The following PPP6R3 variants were observed in gnomAD, a reference collection of about 807,000 sequenced individuals.
The protein encoded by PPP6R3 is protein phosphatase 6 regulatory subunit 3, also known as serine/threonine-protein phosphatase 6 regulatory subunit 3.
PPP6R3 carries 38 observed loss-of-function variants against 110.7 expected under a neutral mutation model. The observed-to-expected ratio is 0.34, with a 90% CI of 0.26 to 0.45. The LOEUF (loss-of-function observed/expected upper bound fraction) is 0.45, where lower values mean the gene tolerates loss of function less well. Among genes scored for constraint, PPP6R3 ranks in the 20% least tolerant of loss-of-function variants. The probability of loss-of-function intolerance (pLI) is 1.00; values close to 1 mark genes in which losing one functional copy is unlikely to be tolerated. For synonymous variants in PPP6R3, 369 were observed against 373.5 expected, an observed-to-expected ratio of 0.99 and a Z score of 0.14; for missense variants, 870 against 1,062.4, an observed-to-expected ratio of 0.82 and a Z score of 2.52.
chr11:68,614,890 G>T lies in PPP6R3; in HGVS notation c.*1773G>T, dbSNP rs1176307187. On this transcript the variant is annotated 3_prime_UTR_variant, in exon 24 of 24. Transcript: ENST00000393800. ...GATTACTGGTAGATAATATGCTCTG[G>T]TCTCGCCTGGTGGTGAGTTTTGCCA... 1.2e-6 allele frequency: 1 copy of T among 844,806 alleles called. No homozygotes were observed. The highest frequency in any genetic ancestry group is 1.4e-5 in the South Asian group (1 of 70,010). The allele number at this position is 844,806 out of a possible 1,614,324, so 52.3% of individuals were successfully genotyped here. A position where few individuals can be genotyped will look rare whatever the true frequency, so the allele number is the denominator to read the frequency against.
chr11:68,500,253 G>A (rs1207279912), intron 1 of PPP6R3, among the ~76,000 whole-genome samples: 4 of 151,516 alleles, frequency 2.6e-5, no homozygotes, highest in African/African-American at 9.7e-5. Flanking sequence ...TCTAATTTTG[G>A]CAGTGGCAAA....
chr11:68,512,162 A>G (rs1372388352), intron 1 of PPP6R3, among the ~76,000 whole-genome samples: 1 of 152,210 alleles, frequency 6.6e-6, no homozygotes, highest in Non-Finnish European at 1.5e-5. Flanking sequence ...TTCCTTCTAT[A>G]TTAGTCTGCT....
At position 68,603,456 on chromosome 11, in the gene PPP6R3, C is replaced by T. The variant is rs1231455451; in HGVS notation, c.2414C>T (p.Thr805Ile). The T allele has an allele frequency of 6.2e-7, 1 of 1,614,178 alleles. No individual in the cohort carries two copies. The highest frequency in any genetic ancestry group is 8.5e-7 in the Non-Finnish European group (1 of 1,180,028). Residue 805 changes from threonine to isoleucine, a missense_variant, in exon 22 of 24, where the codon ACT becomes ATT. Thr to Ile is a moderately conservative substitution (Grantham distance 89). Transcript: ENST00000393800. ...GGCATGAAGGAAACGCTCAGCCTCA[C>T]TGTAGATGCCAAGACAGAGACTGCG... Reference protein sequence around the residue: ...NGGMKETLSLTVDAKTETAVF... With the variant: ...NGGMKETLSLIVDAKTETAVF...
intron 19 of PPP6R3, among the ~76,000 whole-genome samples, chr11:68,598,594 G>A (rs1022355649): frequency 5.3e-5 from 8 of 152,184 alleles, no homozygotes; most frequent in Non-Finnish European, 1.2e-4. Flanking sequence ...CTACAGGGTT[G>A]CCCCAGAGAG....
intron 1 of PPP6R3, among the ~76,000 whole-genome samples, chr11:68,509,618 T>C (rs930059154): frequency 2.0e-5 from 3 of 151,964 alleles, no homozygotes; most frequent in Non-Finnish European, 4.4e-5. Context: ...ACCTCTCTTA[T>C]TTTTATTTTT....
intron 2 of PPP6R3, among the ~76,000 whole-genome samples, chr11:68,530,133 TG>T (rs1436141218): frequency 2.0e-5 from 3 of 152,254 alleles, no homozygotes; most frequent in African/African-American, 7.2e-5. Context: ...TTTACTTTTT[TG>T]ATGTGGCTAC....
rs67798708 is a variant in PPP6R3, at chr11:68,531,307, TTTTATTTA to T, written c.-6-6315_-6-6308del. On this transcript the variant is annotated intron_variant, in intron 2 of 23. Coordinates refer to ENST00000393800, the MANE Select transcript of PPP6R3 (RefSeq NM_001164161.2). ...TATTGAGTCAGAATCTGAGACTGTGTTTTATTTATTTATTTATTTATTTATTTATTTAT... is the reference window on the plus strand; with the variant it reads ...TATTGAGTCAGAATCTGAGACTGTGTTTTATTTATTTATTTATTTATTTAT... Among the ~76,000 whole-genome samples, 1,212 of 137,004 alleles carry T rather than the reference TTTTATTTA, an allele frequency of 8.8e-3. 8 individuals are homozygous for T. Among genetic ancestry groups the T allele is most frequent in the Middle Eastern group, 0.019 (5 of 270 alleles). 89.9% of individuals were successfully genotyped at this position (137,004 alleles called of 152,430 possible). A position where few individuals can be genotyped will look rare whatever the true frequency, so the allele number is the denominator to read the frequency against.
intron 1 of PPP6R3, among the ~76,000 whole-genome samples, chr11:68,513,591 A>T (rs764934564): frequency 4.6e-5 from 7 of 152,230 alleles, no homozygotes; most frequent in Non-Finnish European, 8.8e-5. Flanking sequence ...TTCGAAGATC[A>T]TAGACGTAGT....
chr11:68,596,400 A>G (rs1442737674), intron 19 of PPP6R3, among the ~76,000 whole-genome samples, 182 bp downstream of exon 19: 7 of 152,208 alleles, frequency 4.6e-5, no homozygotes, highest in African/African-American at 1.7e-4. Flanking sequence ...GGGAAGGAGC[A>G]CAGAATGCAT....
At chr11:68,508,839 TG>T (rs2099092998) in intron 1 of PPP6R3, among the ~76,000 whole-genome samples, 3 of 147,996 alleles carry the variant, frequency 2.0e-5, no homozygotes, top group South Asian at 4.2e-4. Flanking sequence ...AGGGTTAGGT[TG>T]TGTGACAGGG....
intron 18 of PPP6R3, among the ~76,000 whole-genome samples, chr11:68,595,879 G>A (rs1395275581): frequency 6.6e-6 from 1 of 152,236 alleles, no homozygotes; most frequent in East Asian, 1.9e-4. Flanking sequence ...ACTTTAAGCA[G>A]AGCCCATGTG....
At chr11:68,489,356 T>G (rs546368013) in intron 1 of PPP6R3, among the ~76,000 whole-genome samples, 2 of 152,190 alleles carry the variant, frequency 1.3e-5, no homozygotes, top group Non-Finnish European at 2.9e-5. Flanking sequence ...TTTATATGAT[T>G]TCCATTTTTA....
At chr11:68,512,536 T>C (rs901420941) in intron 1 of PPP6R3, among the ~76,000 whole-genome samples, 3 of 152,258 alleles carry the variant, frequency 2.0e-5, no homozygotes, top group Non-Finnish European at 4.4e-5. Flanking sequence ...TTTTTGGTTG[T>C]GCGTAGGATA....
rs913739534 is a variant in PPP6R3, at chr11:68,614,765, A to G, written c.*1648A>G. On this transcript the variant is annotated 3_prime_UTR_variant, in exon 24 of 24. Coordinates refer to ENST00000393800, the MANE Select transcript of PPP6R3 (RefSeq NM_001164161.2). ...TTCCCGGGTGAGCCCCTCTCTGAAG[A>G]GACTGTCCTTGGGCCTCCTCTGGAA... is the stretch of plus-strand genomic sequence containing the variant. 1.9e-6 allele frequency: 3 copies of G among 1,541,806 alleles called. No individual in the cohort carries two copies. The African/African-American group carries it at 4.1e-5, about 21-fold the overall frequency.
Position 68,613,111 on chromosome 11 carries a change from T to C in PPP6R3, c.2616T>C (p.Pro872=), listed in dbSNP as rs1944401407. ...SAPGDTSVNG[P]V is the part of the protein sequence containing the mutation. ...CAGGTGACACTTCAGTGAATGGCCC[T>C]GTATGACGGGTGACGTCTGCTGCTG... The change falls in exon 24 of 24, where the codon CCT becomes CCC. Residue 872 remains proline, a synonymous_variant. Coordinates refer to ENST00000393800, the MANE Select transcript of PPP6R3 (RefSeq NM_001164161.2). 6.2e-7 allele frequency: 1 copy of C among 1,614,108 alleles called. No homozygotes were observed. Among genetic ancestry groups the C allele is most frequent in the Non-Finnish European group, 8.5e-7 (1 of 1,180,002 alleles).
intron 9 of PPP6R3, 35 bp from the exon 10 acceptor site, chr11:68,566,979 A>G (rs2099475694): frequency 2.6e-6 from 4 of 1,528,682 alleles, no homozygotes; most frequent in Non-Finnish European, 3.5e-6. Context: ...TTGTTCATTT[A>G]ACTGAATTTA....
intron 1 of PPP6R3, among the ~76,000 whole-genome samples, chr11:68,476,529 A>G (rs1273839353): frequency 1.3e-5 from 2 of 152,014 alleles, no homozygotes; most frequent in Non-Finnish European, 2.9e-5. Context: ...ATTAATTTTC[A>G]ACCTTTTTAT....
chr11:68,560,683 G>A (rs924546993), intron 8 of PPP6R3, among the ~76,000 whole-genome samples: 3 of 152,168 alleles, frequency 2.0e-5, no homozygotes, highest in African/African-American at 7.2e-5. Context: ...ATTTTATGTA[G>A]CCAGCATCAC....
At chr11:68,460,977 C>T (rs1457210315) in intron 1 of PPP6R3, 150 bp downstream of exon 1, 4 of 151,854 alleles carry the variant, frequency 2.6e-5, no homozygotes, top group African/African-American at 9.7e-5. Context: ...TTCGTCGCTC[C>T]GCGGGCCCGG....
Sources: allele counts gnomAD v4.1 joint callset (sites outside exome capture counted in the v4.1 genomes callset), GRCh38; gene constraint gnomAD v4.1.1; transcripts MANE v1.5; gene names NCBI Gene and HGNC (gene_info 2026-07-23, HGNC 2026-07-21).